Variants in MORN4 observed in about 807,000 individuals in gnomAD.
MORN4 encodes the protein MORN repeat-containing protein 4.
A neutral mutation model predicts 16.4 loss-of-function variants in MORN4; 8 were observed. The observed-to-expected ratio is 0.49, with a 90% CI of 0.29 to 0.88. The LOEUF (loss-of-function observed/expected upper bound fraction) is 0.88. MORN4 is among the 40% of genes least tolerant of loss of function. The pLI, the probability that MORN4 is intolerant of heterozygous loss-of-function variation, is 0.09. For missense variants in MORN4, 159 were observed against 182.9 expected (o/e 0.87, Z 0.75); for synonymous variants, 53 against 68.9 (o/e 0.77, Z 1.14).
At position 97,616,220 on chromosome 10, in the gene MORN4, AC is replaced by A; in HGVS notation, c.*42del. The A allele has an allele frequency of 6.7e-7, 1 of 1,501,506 alleles. No individual in the cohort carries two copies. Among genetic ancestry groups the A allele is most frequent in the Non-Finnish European group, 8.9e-7 (1 of 1,125,826 alleles). 93.0% of individuals were successfully genotyped at this position (1,501,506 alleles called of 1,614,324 possible). On this transcript the variant is annotated 3_prime_UTR_variant, in exon 5 of 5. Transcript: ENST00000307450. The stretch of plus-strand genomic sequence containing the variant: ...TTCACCTCGAATCAACAACAGGGGC[AC>A]TGGCTTTACCCAATACTTATCAGCT...
chr10:97,623,742 T>C (rs1347187224), intron 1 of MORN4, among the ~76,000 whole-genome samples: 1 of 151,580 alleles, frequency 6.6e-6, no homozygotes, highest in East Asian at 1.9e-4. Context: ...TTTTTTTTTT[T>C]TTTCTTTTTT....
chr10:97,624,234 T>C (rs1197540953), intron 1 of MORN4, among the ~76,000 whole-genome samples: 2 of 152,228 alleles, frequency 1.3e-5, no homozygotes, highest in Non-Finnish European at 2.9e-5. Context: ...ACAACCCATA[T>C]GTTAAATTTG....
Position 97,619,589 on chromosome 10 carries a change from T to A in MORN4, c.65A>T (p.Glu22Val). The A allele has an allele frequency of 6.2e-7, 1 of 1,612,414 alleles. No individual in the cohort carries two copies. Among genetic ancestry groups the A allele is most frequent in the Non-Finnish European group, 8.5e-7 (1 of 1,178,438 alleles). The change falls in exon 2 of 5, where the codon GAG (glutamate) becomes GTG (valine). Residue 22 changes from glutamate to valine, a missense_variant and splice_region_variant. Physicochemically the swap from Glu to Val is moderately radical, Grantham distance 121. Coordinates refer to ENST00000307450, the MANE Select transcript of MORN4 (RefSeq NM_178832.4). ...TACTCCCCAGGGGTCCTTCTCACCCTCCTTCCACTCGCCACGATATTCCTC... is the reference window on the plus strand; with the variant it reads ...TACTCCCCAGGGGTCCTTCTCACCCACCTTCCACTCGCCACGATATTCCTC... ...SGEEYRGEWK[E>V]GRRHGFGQLM... is the part of the protein sequence containing the mutation.
intron 1 of MORN4, among the ~76,000 whole-genome samples, chr10:97,621,488 G>A (rs2041293173): frequency 6.6e-6 from 1 of 152,220 alleles, no homozygotes; most frequent in African/African-American, 2.4e-5. Context: ...AGCTTGCAAG[G>A]AAGGGAAATA....
At chr10:97,616,616 A>G in intron 4 of MORN4, 62 bp downstream of exon 4, 2 of 1,389,474 alleles carry the variant, frequency 1.4e-6, no homozygotes, top group Non-Finnish European at 2.0e-6. Flanking sequence ...AAAACTAAAC[A>G]GGTATATTTC....
Position 97,615,214 on chromosome 10 carries a change from AT to A in MORN4, c.*1048del, listed in dbSNP as rs1254788554. On this transcript the variant is annotated 3_prime_UTR_variant, in exon 5 of 5. Transcript: ENST00000307450. ...ATCCTTCACGGGGACATAGGCAGGAATGAATACCAGTCTGATCAGACCAAGT... is the reference window on the plus strand; with the variant it reads ...ATCCTTCACGGGGACATAGGCAGGAAGAATACCAGTCTGATCAGACCAAGT... The A allele has an allele frequency of 6.6e-6, 1 of 152,622 alleles. No individual in the cohort carries two copies. Among genetic ancestry groups the A allele is most frequent in the Non-Finnish European group, 1.5e-5 (1 of 68,064 alleles). The allele number at this position is 152,622 out of a possible 1,614,324, so 9.5% of individuals were successfully genotyped here. A position where few individuals can be genotyped will look rare whatever the true frequency, so the allele number is the denominator to read the frequency against.
intron 1 of MORN4, among the ~76,000 whole-genome samples, chr10:97,631,945 A>G (rs1294996603): frequency 6.7e-6 from 1 of 149,622 alleles, no homozygotes; most frequent in African/African-American, 2.4e-5. Flanking sequence ...GTCTCAAAAA[A>G]AAGAAAAGAA....
At chr10:97,620,317 G>A (rs1163376206) in intron 1 of MORN4, among the ~76,000 whole-genome samples, 1 of 150,978 alleles carries the variant, frequency 6.6e-6, no homozygotes, top group South Asian at 2.1e-4. Context: ...GTGAGACCCC[G>A]TCTCTACTAA....
intron 1 of MORN4, among the ~76,000 whole-genome samples, chr10:97,620,183 G>C (rs938310708): frequency 2.0e-5 from 3 of 151,772 alleles, no homozygotes; most frequent in Admixed American, 6.6e-5. Flanking sequence ...AGCAATTCCA[G>C]AATCAGAAAA....
chr10:97,619,795 G>T (rs1260726369), intron 1 of MORN4, 112 bp from the exon 2 acceptor site: 5 of 750,248 alleles, frequency 6.7e-6, no homozygotes, highest in Non-Finnish European at 1.1e-5. Flanking sequence ...AGTGTACACT[G>T]CCTTAGGTGC....
intron 1 of MORN4, among the ~76,000 whole-genome samples, chr10:97,630,492 T>C (rs1183046393): frequency 6.6e-6 from 1 of 152,224 alleles, no homozygotes; most frequent in Non-Finnish European, 1.5e-5. Context: ...CAGTACATAC[T>C]ACAAACTTCC....
intron 1 of MORN4, among the ~76,000 whole-genome samples, chr10:97,625,882 C>T (rs1353140632): frequency 6.6e-6 from 1 of 152,136 alleles, no homozygotes; most frequent in African/African-American, 2.4e-5. Flanking sequence ...ACCCTTCTGC[C>T]CCAGCCTCCC....
At chr10:97,634,049 G>C (rs185858738), upstream of MORN4, among the ~76,000 whole-genome samples, 6 of 152,140 alleles carry the variant, frequency 3.9e-5, no homozygotes, top group East Asian at 1.9e-4. Flanking sequence ...AGCACTTCGG[G>C]AGGCCGCGGC....
At chr10:97,619,925 C>T (rs1261616013) in intron 1 of MORN4, among the ~76,000 whole-genome samples, 1 of 152,126 alleles carries the variant, frequency 6.6e-6, no homozygotes, top group Non-Finnish European at 1.5e-5. Flanking sequence ...TTTTCTATGA[C>T]CTGGGATGGA....
intron 1 of MORN4, among the ~76,000 whole-genome samples, chr10:97,623,602 C>CTCAT (rs749858248): frequency 6.6e-6 from 1 of 152,072 alleles, no homozygotes; most frequent in Non-Finnish European, 1.5e-5. Flanking sequence ...GAGACAGGGT[C>CTCAT]TCATTATGTT....
intron 2 of MORN4, among the ~76,000 whole-genome samples, chr10:97,618,255 C>CTTTTT (rs2041255477): frequency 7.6e-6 from 1 of 132,264 alleles, no homozygotes; most frequent in African/African-American, 2.8e-5. Context: ...GCCAGCCTCT[C>CTTTTT]TTCTTTTTTT....
intron 1 of MORN4, among the ~76,000 whole-genome samples, chr10:97,621,251 C>T (rs1286753912): frequency 6.6e-6 from 1 of 152,224 alleles, no homozygotes; most frequent in Non-Finnish European, 1.5e-5. Flanking sequence ...CCTCCCCTGA[C>T]TATGCTAGTC....
At position 97,616,765 on chromosome 10, in the gene MORN4, C is replaced by T; in HGVS notation, c.205G>A (p.Gly69Ser). The T allele has an allele frequency of 1.9e-6, 3 of 1,613,878 alleles. No homozygotes were observed. Among genetic ancestry groups the T allele is most frequent in the Non-Finnish European group, 2.5e-6 (3 of 1,179,814 alleles). ...GSRYEGEFAQGKFNGVGVFIR... is the reference protein window; with the variant it reads ...GSRYEGEFAQSKFNGVGVFIR... ...AAGACTCCGACGCCATTAAACTTGC[C>T]CTGGGCAAACTCCCCCTCATACCTG... The change falls in exon 4 of 5, where the codon GGC becomes AGC. Residue 69 changes from glycine (G) to serine (S), a missense_variant. By Grantham distance (56) the Gly-to-Ser change is moderately conservative. Coordinates refer to ENST00000307450, the MANE Select transcript of MORN4 (RefSeq NM_178832.4).
intron 1 of MORN4, among the ~76,000 whole-genome samples, chr10:97,631,319 C>A (rs1342080391): frequency 1.3e-5 from 2 of 152,186 alleles, no homozygotes; most frequent in Non-Finnish European, 2.9e-5. Context: ...TTCTGCACTC[C>A]TGATAGATGG....
Sources: gnomAD v4.1 joint callset for allele counts (sites outside exome capture counted in the v4.1 genomes callset) on GRCh38, gnomAD v4.1.1 for gene constraint, MANE v1.5 for transcripts, NCBI Gene and HGNC (gene_info 2026-07-23, HGNC 2026-07-21) for gene names.